Variants in TENM3 observed in about 807,000 individuals in gnomAD.
TENM3 encodes teneurin transmembrane protein 3.
TENM3 carries 63 observed loss-of-function variants against 255.1 expected under a neutral mutation model. The ratio of observed to expected loss-of-function variants is 0.25; its 90% CI spans 0.20 to 0.30. TENM3 has a LOEUF of 0.30. Among genes scored for constraint, TENM3 ranks in the 10% least tolerant of loss-of-function variants. The pLI, the probability that TENM3 is intolerant of heterozygous loss-of-function variation, is 1.00. For missense variants in TENM3, 2,929 were observed against 3,461.1 expected (o/e 0.85, Z 3.86); for synonymous variants, 1,306 against 1,322.3 (o/e 0.99, Z 0.27).
the TENM3 span, among the ~76,000 whole-genome samples, chr4:181,592,242 G>T: frequency 2.0e-5 from 1 of 49,850 alleles, no homozygotes; most frequent in South Asian, 4.9e-4. Context: ...CCTCAATAAA[G>T]CTGTTTAAAC....
chr4:182,765,432 C>T (rs1763626367), intron 22 of TENM3, among the ~76,000 whole-genome samples: 1 of 152,160 alleles, frequency 6.6e-6, no homozygotes, highest in African/African-American at 2.4e-5. Flanking sequence ...TTGTATTTTG[C>T]ATCACTTTCT....
At position 182,773,641 on chromosome 4, in the gene TENM3, G is replaced by T; in HGVS notation, c.5062G>T (p.Val1688Phe). Residue 1688 changes from valine to phenylalanine, a missense_variant, in exon 23 of 28, where the codon GTT becomes TTT. Transcript: ENST00000511685. ...CTCGATCGATTCTTTCTACACCATG[G>T]TTCAAGGTAAACACGAAAGCATCAT... ...LSSIDSFYTM[V>F]QDQLRNSYQI... 2.5e-6 allele frequency: 4 copies of T among 1,610,096 alleles called. No homozygotes were observed. Among genetic ancestry groups the T allele is most frequent in the East Asian group, 2.2e-5 (1 of 44,752 alleles).
At chr4:182,228,584 G>A (rs1427745960) in intron 1 of TENM3, among the ~76,000 whole-genome samples, 1 of 151,874 alleles carries the variant, frequency 6.6e-6, no homozygotes, top group Non-Finnish European at 1.5e-5. Context: ...AGTCAGTCTT[G>A]TCACTGCTAA....
intron 1 of TENM3, among the ~76,000 whole-genome samples, chr4:182,170,163 A>T (rs1338046521): frequency 6.6e-6 from 1 of 151,918 alleles, no homozygotes; most frequent in African/African-American, 2.4e-5. Context: ...CCTTTAAGAT[A>T]GCATACATGT....
rs1175041585 is a variant in TENM3, at chr4:182,789,815, T to A, written c.5601+426T>A. ...TCCTGGCAGAGCTTCAACATAATCA[T>A]AAAAAGCATGTAGATCCTAGTTACG... is the stretch of plus-strand genomic sequence containing the variant. On this transcript the variant is annotated intron_variant, in intron 25 of 27. Coordinates refer to ENST00000511685, the MANE Select transcript of TENM3 (RefSeq NM_001080477.4). This position sits in a 1 kb window ranked among gnomAD's most constrained non-coding sequence, Gnocchi z 4.4. 6.6e-6 allele frequency among the ~76,000 whole-genome samples: 1 copy of A among 152,164 alleles called. No homozygotes were observed. The highest frequency in any genetic ancestry group is 1.5e-5 in the Non-Finnish European group (1 of 68,022).
the TENM3 span, among the ~76,000 whole-genome samples, chr4:181,708,819 T>C: frequency 1.3e-5 from 2 of 151,692 alleles, no homozygotes; most frequent in Non-Finnish European, 2.9e-5. Context: ...GAAATGAGAG[T>C]TTTTGGAGGA....
At chr4:182,008,831 CATTA>C in the TENM3 span, among the ~76,000 whole-genome samples, 86 of 152,168 alleles carry the variant, frequency 5.7e-4, no homozygotes, top group Non-Finnish European at 1.1e-3. Flanking sequence ...AGCATTTTTT[CATTA>C]ATTCTTTCTC....
At chr4:181,905,415 C>A in the TENM3 span, among the ~76,000 whole-genome samples, 1 of 152,040 alleles carries the variant, frequency 6.6e-6, no homozygotes, top group Non-Finnish European at 1.5e-5. Flanking sequence ...CTGGGCAAAT[C>A]TAACCTGTGC....
At chr4:181,604,342 AG>A in the TENM3 span, among the ~76,000 whole-genome samples, 1 of 152,212 alleles carries the variant, frequency 6.6e-6, no homozygotes, top group Non-Finnish European at 1.5e-5. Context: ...GCTAACCAAT[AG>A]GCACTCAAAA....
the TENM3 span, among the ~76,000 whole-genome samples, chr4:181,626,568 C>T: frequency 6.6e-6 from 1 of 151,648 alleles, no homozygotes; most frequent in Non-Finnish European, 1.5e-5. Context: ...AGCAAGGGGG[C>T]GGGGAGGGGA....
chr4:182,067,705 C>A, the TENM3 span, among the ~76,000 whole-genome samples: 1 of 152,276 alleles, frequency 6.6e-6, no homozygotes, highest in African/African-American at 2.4e-5. Flanking sequence ...GGTGATTTCT[C>A]CAAGGCCCTT....
At chr4:181,873,505 T>C in the TENM3 span, among the ~76,000 whole-genome samples, 9 of 152,368 alleles carry the variant, frequency 5.9e-5, no homozygotes, top group African/African-American at 2.2e-4. Flanking sequence ...TATTCTTTCA[T>C]TATGCATCAT....
the TENM3 span, among the ~76,000 whole-genome samples, chr4:181,958,367 C>T: frequency 6.6e-6 from 1 of 152,112 alleles, no homozygotes; most frequent in Non-Finnish European, 1.5e-5. Context: ...TATTATCAAA[C>T]AATAAGAATT....
intron 19 of TENM3, among the ~76,000 whole-genome samples, chr4:182,747,940 G>A (rs962561459): frequency 2.0e-5 from 3 of 152,170 alleles, no homozygotes; most frequent in Non-Finnish European, 2.9e-5. Flanking sequence ...TTCTTCAAAT[G>A]TCTTGTGTTC....
chr4:181,711,040 C>G, the TENM3 span, among the ~76,000 whole-genome samples: 3 of 152,080 alleles, frequency 2.0e-5, no homozygotes, highest in Non-Finnish European at 1.5e-5. Flanking sequence ...ACCATTCGCA[C>G]TAGACCTGGG....
At chr4:182,422,887 G>T (rs148294294) in intron 3 of TENM3, among the ~76,000 whole-genome samples, 1 of 152,202 alleles carries the variant, frequency 6.6e-6, no homozygotes, top group East Asian at 1.9e-4. Context: ...TCTTCCAGAT[G>T]AGGCAACTGA....
the TENM3 span, among the ~76,000 whole-genome samples, chr4:182,075,086 T>C: frequency 6.6e-6 from 1 of 151,940 alleles, no homozygotes; most frequent in Non-Finnish European, 1.5e-5. Flanking sequence ...TCCAACCCAT[T>C]GTTACCATGC....
chr4:182,625,456 G>A (rs1750729742), intron 4 of TENM3, among the ~76,000 whole-genome samples: 1 of 152,148 alleles, frequency 6.6e-6, no homozygotes, highest in Non-Finnish European at 1.5e-5. Flanking sequence ...ATCTGAGGTG[G>A]AAAAGTTTCA....
chr4:182,478,749 G>C (rs1249060641), intron 3 of TENM3, among the ~76,000 whole-genome samples: 1 of 151,848 alleles, frequency 6.6e-6, no homozygotes, highest in Non-Finnish European at 1.5e-5. Flanking sequence ...ACAAACCTGG[G>C]TAAATTTATC....
Sources: gnomAD v4.1 joint callset for allele counts (sites outside exome capture counted in the v4.1 genomes callset) on GRCh38, gnomAD v4.1.1 for gene constraint, Gnocchi (gnomAD v3.1) non-coding constraint, MANE v1.5 for transcripts, NCBI Gene and HGNC (gene_info 2026-07-23, HGNC 2026-07-21) for gene names.